PKD1L1: variants seen among roughly 807,000 people sequenced by gnomAD.
The protein encoded by PKD1L1 is polycystin 1 like 1, transient receptor potential channel interacting.
PKD1L1 carries 236 observed loss-of-function variants against 323.4 expected under a neutral mutation model. That is an observed-to-expected ratio of 0.73 (90% CI 0.66 to 0.81). The LOEUF (loss-of-function observed/expected upper bound fraction) is 0.81, where lower values mean the gene tolerates loss of function less well. Ranked by LOEUF, PKD1L1 falls within the 40% of genes least tolerant of loss-of-function variation. The pLI is 0.00. For missense variants in PKD1L1, 3,320 were observed against 3,508.0 expected (o/e 0.95, Z 1.35); for synonymous variants, 1,344 against 1,335.0 (o/e 1.01, Z -0.15).
chr7:47,839,501 T>A lies in PKD1L1; in HGVS notation c.5714A>T (p.Asp1905Val), dbSNP rs753943807. Residue 1905 changes from aspartate to valine, a missense_variant, in exon 36 of 57, where the codon GAT (aspartate) becomes GTT (valine). Asp to Val is a radical substitution (Grantham distance 152). Coordinates refer to ENST00000289672, the MANE Select transcript of PKD1L1 (RefSeq NM_138295.5). This position sits in a 1 kb window ranked among gnomAD's most constrained non-coding sequence, Gnocchi z 4.3. ...GGTGAGCTCCCGCTCCACGCGACCATCATGCCTGCCGGCAGACAGCCAGCA... is the reference window on the plus strand; with the variant it reads ...GGTGAGCTCCCGCTCCACGCGACCAACATGCCTGCCGGCAGACAGCCAGCA... ...AQCWLSAGRH[D>V]GRVERELTCL... 1.2e-6 allele frequency: 2 copies of A among 1,612,296 alleles called. No homozygotes were observed. The highest frequency in any genetic ancestry group is 1.3e-5 in the African/African-American group (1 of 74,912).
chr7:47,955,354 T>G, the PKD1L1 span, among the ~76,000 whole-genome samples: 1 of 152,218 alleles, frequency 6.6e-6, no homozygotes, highest in African/African-American at 2.4e-5. Context: ...GTAACAAATA[T>G]TTATTATTTA....
intron 44 of PKD1L1, 110 bp from the exon 45 acceptor site, chr7:47,827,578 C>A: frequency 1.1e-6 from 1 of 894,714 alleles, no homozygotes; most frequent in Admixed American, 2.8e-5. Context: ...GTGCCTTCAG[C>A]CTGGCATTTG....
chr7:47,809,511 C>T lies in PKD1L1; in HGVS notation c.7648G>A (p.Val2550Ile), dbSNP rs551487756. 174 of 1,609,140 alleles carry T rather than the reference C, an allele frequency of 1.1e-4. 1 individual carries two copies. In the South Asian group the frequency reaches 1.5e-3, roughly 14 times the overall value. The change falls in exon 51 of 57, where the codon GTC (valine) becomes ATC (isoleucine). Residue 2550 changes from valine (V) to isoleucine (I), a missense_variant. Physicochemically the swap from Val to Ile is conservative, Grantham distance 29 (BLOSUM62 3). Coordinates refer to ENST00000289672, the MANE Select transcript of PKD1L1 (RefSeq NM_138295.5). ...CTTGGCTTTCGCCAGTAGCTGAGGACGCCCTTGTCCATCATACGGTAGAGT... is the reference window on the plus strand; with the variant it reads ...CTTGGCTTTCGCCAGTAGCTGAGGATGCCCTTGTCCATCATACGGTAGAGT... ...VQLYRMMDKG[V>I]LSYWRKPRNW... is the part of the protein sequence containing the mutation.
chr7:47,784,199 T>A (rs924814167), intron 56 of PKD1L1, among the ~76,000 whole-genome samples: 1 of 152,236 alleles, frequency 6.6e-6, no homozygotes, highest in Non-Finnish European at 1.5e-5. Flanking sequence ...GTATAATCCA[T>A]GAAAGCAGAG....
chr7:47,943,162 AAATATATATATATAT>A (rs1480843279), intron 2 of PKD1L1, among the ~76,000 whole-genome samples: 1 of 22,636 alleles, frequency 4.4e-5, no homozygotes, highest in African/African-American at 2.3e-4. Context: ...AAAAAAAAAA[AAATATATATATATAT>A]ATATATATAT....
the PKD1L1 span, among the ~76,000 whole-genome samples, chr7:47,958,147 A>G: frequency 6.6e-6 from 1 of 152,174 alleles, no homozygotes; most frequent in Non-Finnish European, 1.5e-5. Context: ...AGCAATCTTG[A>G]GCAAAAAGAA....
At chr7:47,927,536 T>C (rs1261509818) in intron 7 of PKD1L1, among the ~76,000 whole-genome samples, 2 of 152,146 alleles carry the variant, frequency 1.3e-5, no homozygotes, top group Non-Finnish European at 2.9e-5. Flanking sequence ...AGCACTAGTA[T>C]TACAGGCGTG....
intron 15 of PKD1L1, 110 bp from the exon 16 acceptor site, chr7:47,890,873 T>C: frequency 1.1e-6 from 1 of 903,746 alleles, no homozygotes; most frequent in Non-Finnish European, 1.7e-6. Flanking sequence ...AGGGGACACG[T>C]GCTGGGAAGA....
In PKD1L1 at chr7:47,855,673, G is replaced by A. The variant is rs1785884545; in HGVS notation, c.4591-408C>T. ...GGGCGGATCACGAGGTCAGGAGATC[G>A]AGACCATCCCGGCTATAACGGTGAA... On this transcript the variant is annotated intron_variant, in intron 28 of 56. Coordinates refer to ENST00000289672, the MANE Select transcript of PKD1L1 (RefSeq NM_138295.5). 1.5e-5 allele frequency among the ~76,000 whole-genome samples: 2 copies of A among 137,676 alleles called. 1 individual carries two copies. The highest frequency in any genetic ancestry group is 6.1e-5 in the African/African-American group (2 of 32,588). 90.3% of individuals were successfully genotyped at this position (137,676 alleles called of 152,430 possible). A position where few individuals can be genotyped will look rare whatever the true frequency, so the allele number is the denominator to read the frequency against.
In PKD1L1 at chr7:47,930,797, A is replaced by G. The variant is rs1051740151; in HGVS notation, c.737+307T>C. Among the ~76,000 whole-genome samples, 2 of 152,218 alleles carry G rather than the reference A, an allele frequency of 1.3e-5. 1 individual carries two copies. The highest frequency in any genetic ancestry group is 4.8e-5 in the African/African-American group (2 of 41,454). On this transcript the variant is annotated intron_variant, in intron 6 of 56. Coordinates refer to ENST00000289672, the MANE Select transcript of PKD1L1 (RefSeq NM_138295.5). ...GCCACTGCACTCCAGCTTGGGTGAC[A>G]GAGCGAGACTCTGTCAAAAAAACAA...
Position 47,931,129 on chromosome 7 carries a change from A to C in PKD1L1, c.712T>G (p.Ser238Ala), listed in dbSNP as rs1787762113. Residue 238 changes from serine to alanine, a missense_variant, in exon 6 of 57, where the codon TCA becomes GCA. By Grantham distance (99) the Ser-to-Ala change is moderately conservative. Coordinates refer to ENST00000289672, the MANE Select transcript of PKD1L1 (RefSeq NM_138295.5). ...CTTCTGGGAGAAGTGGGAAAATGTG[A>C]AATCGGCCACAGGGGCACTCGCTGG... ...SSQRVPLWPI[S>A]HFPTSPRSSH... 1 of 1,613,966 alleles carries C rather than the reference A, an allele frequency of 6.2e-7. No individual in the cohort carries two copies. The highest frequency in any genetic ancestry group is 1.7e-5 in the Admixed American group (1 of 60,000).
At position 47,880,283 on chromosome 7, in the gene PKD1L1, TA is replaced by T. The variant is rs200668287; in HGVS notation, c.3520+444del. ...ATATATACATATATATATATATATA[TA>T]TTTTTTTTTTTTTTTTTGAGACAGT... is the stretch of plus-strand genomic sequence containing the variant. On this transcript the variant is annotated intron_variant, in intron 21 of 56. Coordinates refer to ENST00000289672, the MANE Select transcript of PKD1L1 (RefSeq NM_138295.5). 9.6e-3 allele frequency among the ~76,000 whole-genome samples: 663 copies of T among 68,914 alleles called. 18 individuals are homozygous for T. The highest frequency in any genetic ancestry group is 0.02 in the African/African-American group (298 of 14,564). 45.2% of individuals were successfully genotyped at this position (68,914 alleles called of 152,430 possible).
intron 15 of PKD1L1, among the ~76,000 whole-genome samples, chr7:47,892,167 C>T (rs1786834817): frequency 6.6e-6 from 1 of 152,096 alleles, no homozygotes; most frequent in Admixed American, 6.6e-5. Flanking sequence ...AAGAAAGATG[C>T]CATCAAATCA....
At chr7:47,833,714 G>A (rs1785397451) in intron 40 of PKD1L1, among the ~76,000 whole-genome samples, 1 of 152,194 alleles carries the variant, frequency 6.6e-6, no homozygotes, top group Non-Finnish European at 1.5e-5. Flanking sequence ...CAGAGAGTTA[G>A]AGCCTGGCAA....
chr7:47,811,592 C>T (rs1784896528), intron 50 of PKD1L1, among the ~76,000 whole-genome samples: 3 of 152,242 alleles, frequency 2.0e-5, no homozygotes, highest in Admixed American at 2.0e-4. Context: ...TATATTTGCC[C>T]TTGCCACACA....
chr7:47,933,966 G>A (rs895754775), intron 4 of PKD1L1, among the ~76,000 whole-genome samples: 6 of 152,130 alleles, frequency 3.9e-5, no homozygotes, highest in South Asian at 4.2e-4. Flanking sequence ...TGAATCCTTC[G>A]GTCCAGACTG....
intron 16 of PKD1L1, 58 bp downstream of exon 16, chr7:47,890,484 G>C: frequency 2.6e-6 from 4 of 1,538,700 alleles, no homozygotes; most frequent in Non-Finnish European, 3.6e-6. Context: ...ACGGATGCTA[G>C]CACCAGGTGG....
intron 4 of PKD1L1, among the ~76,000 whole-genome samples, chr7:47,932,709 C>A (rs1787796496): frequency 6.6e-6 from 1 of 152,248 alleles, no homozygotes; most frequent in Non-Finnish European, 1.5e-5. Flanking sequence ...GGCCCCACCT[C>A]TGGCAAGACC....
Position 47,910,373 on chromosome 7 carries a change from C to T in PKD1L1, c.1229-2123G>A, listed in dbSNP as rs141063236. 5.7e-3 allele frequency among the ~76,000 whole-genome samples: 825 copies of T among 145,122 alleles called. 6 individuals are homozygous for T. Among genetic ancestry groups the T allele is most frequent in the African/African-American group, 0.02 (788 of 39,272 alleles). Reference sequence around the variant, plus strand: ...TTTTTGAGACAGAGTCTTGCTCTGTCGCCCAGGCTAAAGTGCAGTGGCATG... The same window carrying T: ...TTTTTGAGACAGAGTCTTGCTCTGTTGCCCAGGCTAAAGTGCAGTGGCATG... On this transcript the variant is annotated intron_variant, in intron 8 of 56. Transcript: ENST00000289672.
Sources: allele counts gnomAD v4.1 joint callset (sites outside exome capture counted in the v4.1 genomes callset), GRCh38; gene constraint gnomAD v4.1.1; non-coding constraint Gnocchi (gnomAD v3.1); transcripts MANE v1.5; gene names NCBI Gene and HGNC (gene_info 2026-07-23, HGNC 2026-07-21).